STARD3: variants seen among roughly 807,000 people sequenced by gnomAD.
STARD3 encodes StAR related lipid transfer domain containing 3.
In STARD3, 39 loss-of-function variants were observed where a neutral mutation model predicts 62.0. The observed-to-expected ratio is 0.63, with a 90% CI of 0.49 to 0.82. The LOEUF (loss-of-function observed/expected upper bound fraction) is 0.82, where lower values mean the gene tolerates loss of function less well. STARD3 is among the 40% of genes least tolerant of loss of function. The probability of loss-of-function intolerance (pLI) is 0.00; values close to 1 mark genes in which losing one functional copy is unlikely to be tolerated. For synonymous variants in STARD3, 229 were observed against 242.4 expected (o/e 0.94, Z 0.51); for missense variants, 543 against 584.5 (o/e 0.93, Z 0.73).
chr17:39,663,001 G>A lies in STARD3; in HGVS notation c.*93G>A. On this transcript the variant is annotated 3_prime_UTR_variant, in exon 15 of 15. Transcript: ENST00000336308. The stretch of plus-strand genomic sequence containing the variant: ...AGTTGGGCTCGCACTGCCCACATGG[G>A]ACCTGGCCCCAGGCTGTCACCCTCC... 1 of 1,251,924 alleles carries A rather than the reference G, an allele frequency of 8.0e-7. No individual in the cohort carries two copies. Among genetic ancestry groups the A allele is most frequent in the South Asian group, 1.5e-5 (1 of 68,296 alleles). 77.6% of individuals were successfully genotyped at this position (1,251,924 alleles called of 1,614,324 possible). A position where few individuals can be genotyped will look rare whatever the true frequency, so the allele number is the denominator to read the frequency against.
rs191147792 is a variant in STARD3, at chr17:39,647,711, G to C, written c.-51-5770G>C. Among the ~76,000 whole-genome samples, 6 of 152,346 alleles carry C rather than the reference G, an allele frequency of 3.9e-5. No individual in the cohort carries two copies. In the East Asian group the frequency reaches 1.2e-3, roughly 29 times the overall value. On this transcript the variant is annotated intron_variant, in intron 1 of 14. Transcript: ENST00000336308. The stretch of plus-strand genomic sequence containing the variant: ...TAGCCAACGAGGCCTCACTCAGGGT[G>C]ATGCTGGAGTTTGAGGAAAGGCTGA...
At chr17:39,657,720 A>C in intron 3 of STARD3, 55 bp from the exon 4 acceptor site, 1 of 1,605,340 alleles carries the variant, frequency 6.2e-7, no homozygotes, top group Admixed American at 1.7e-5. Context: ...GTCAGCCTGC[A>C]GCAGGGTGGG....
Position 39,659,538 on chromosome 17 carries a change from G to GT in STARD3, c.783dup (p.Glu262Ter). 6.2e-7 allele frequency: 1 copy of GT among 1,614,152 alleles called. No homozygotes were observed. The highest frequency in any genetic ancestry group is 8.5e-7 in the Non-Finnish European group (1 of 1,179,998). On this transcript the variant is annotated frameshift_variant, in exon 9 of 15. Transcript: ENST00000336308. LOFTEE classifies it high-confidence loss of function. ...TCTTGGCCCAGGAAGAGAACTGGAA[G>GT]TTTGAGAAGAATAATGTAAGAAGCC...
chr17:39,644,615 T>G (rs1451247752), intron 1 of STARD3, among the ~76,000 whole-genome samples: 2 of 146,982 alleles, frequency 1.4e-5, no homozygotes, highest in African/African-American at 5.0e-5. Context: ...GCGGGGAGAT[T>G]GCTTGAGTCC....
chr17:39,648,836 G>A (rs1178027088), intron 1 of STARD3, among the ~76,000 whole-genome samples: 1 of 152,174 alleles, frequency 6.6e-6, no homozygotes, highest in African/African-American at 2.4e-5. Context: ...GGGACGTCTG[G>A]GCATGTGAGT....
Position 39,660,615 on chromosome 17 carries a change from C to T in STARD3, c.954+89C>T, listed in dbSNP as rs2057185934. ...ACTGAAGCACTCAGCGCCTCAGCTGCCCCATCTGTACAGTGGGTGTGATGG... is the reference window on the plus strand; with the variant it reads ...ACTGAAGCACTCAGCGCCTCAGCTGTCCCATCTGTACAGTGGGTGTGATGG... On this transcript the variant is annotated intron_variant, in intron 11 of 14. Transcript: ENST00000336308. This position sits in a 1 kb window ranked among gnomAD's most constrained non-coding sequence, Gnocchi z 4.8. The T allele has an allele frequency of 7.5e-6, 11 of 1,465,756 alleles. No homozygotes were observed. In the South Asian group the frequency reaches 1.2e-4, roughly 15 times the overall value. The allele number at this position is 1,465,756 out of a possible 1,614,324, so 90.8% of individuals were successfully genotyped here.
At chr17:39,659,819 G>C (rs1018248541) in intron 9 of STARD3, 2 of 496,000 alleles carry the variant, frequency 4.0e-6, no homozygotes, top group South Asian at 4.5e-5. Flanking sequence ...GGGAAGCCAG[G>C]CTTCTGCTCT....
intron 1 of STARD3, among the ~76,000 whole-genome samples, chr17:39,646,561 C>T (rs1284586581): frequency 6.6e-6 from 1 of 152,118 alleles, no homozygotes; most frequent in African/African-American, 2.4e-5. Flanking sequence ...CCTATTGTTG[C>T]CTGTTTTAAT....
At chr17:39,645,663 G>A (rs1032608813) in intron 1 of STARD3, among the ~76,000 whole-genome samples, 1 of 152,056 alleles carries the variant, frequency 6.6e-6, no homozygotes. Flanking sequence ...GTAGAGACGA[G>A]GTTTCAGCAT....
chr17:39,659,673 A>G, intron 9 of STARD3, 120 bp downstream of exon 9: 1 of 1,110,480 alleles, frequency 9.0e-7, no homozygotes, highest in Non-Finnish European at 1.3e-6. Context: ...CTGCCCCAAG[A>G]GAGGGAGCTG....
chr17:39,655,906 AG>A (rs947666613), intron 2 of STARD3, among the ~76,000 whole-genome samples: 3 of 151,362 alleles, frequency 2.0e-5, no homozygotes, highest in African/African-American at 7.3e-5. Context: ...GGAAAGAGGA[AG>A]GAGGACAGAG....
chr17:39,638,552 C>A (rs1158910467), intron 1 of STARD3, among the ~76,000 whole-genome samples: 2 of 152,194 alleles, frequency 1.3e-5, no homozygotes, highest in African/African-American at 4.8e-5. Flanking sequence ...GCTGGGCTAC[C>A]TTCTACATGT....
rs1271547464 is a variant in STARD3 at position 39,660,954 on chromosome 17, C to T, written c.1035-27C>T. 1.2e-6 allele frequency: 2 copies of T among 1,612,804 alleles called. No homozygotes were observed. Among genetic ancestry groups the T allele is most frequent in the South Asian group, 1.1e-5 (1 of 91,042 alleles). Reference sequence around the variant, plus strand: ...CTGCACTTTGGCCTTGGGTCATTGTCCCCTGAACTAACCCTCCCTCCCGCA... The same window carrying T: ...CTGCACTTTGGCCTTGGGTCATTGTTCCCTGAACTAACCCTCCCTCCCGCA... On this transcript the variant is annotated intron_variant, in intron 12 of 14. Coordinates refer to ENST00000336308, the MANE Select transcript of STARD3 (RefSeq NM_006804.4). This position sits in a 1 kb window ranked among gnomAD's most constrained non-coding sequence, Gnocchi z 4.8.
At position 39,659,097 on chromosome 17, in the gene STARD3, C is replaced by T; in HGVS notation, c.693C>T (p.Phe231=). 1 of 1,614,208 alleles carries T rather than the reference C, an allele frequency of 6.2e-7. No individual in the cohort carries two copies. The highest frequency in any genetic ancestry group is 8.5e-7 in the Non-Finnish European group (1 of 1,180,032). The change falls in exon 8 of 15, where the codon TTC becomes TTT. Residue 231 remains phenylalanine, a synonymous_variant. Transcript: ENST00000336308. ...AAGAAGTTGCTGGGAAGAAAAGTTT[C>T]TCTGCTCAGGTATTTGCCTGCCTAC... ...SDEEVAGKKS[F]SAQEREYIRQ...
intron 1 of STARD3, among the ~76,000 whole-genome samples, chr17:39,651,359 T>A (rs2057076089): frequency 6.6e-6 from 1 of 152,182 alleles, no homozygotes; most frequent in Admixed American, 6.5e-5. Context: ...ATAGTGAAAG[T>A]GTGGCAGGAC....
At chr17:39,645,432 C>G (rs767565994) in intron 1 of STARD3, among the ~76,000 whole-genome samples, 2 of 152,196 alleles carry the variant, frequency 1.3e-5, no homozygotes, top group African/African-American at 2.4e-5. Flanking sequence ...TATTTAACCT[C>G]CCTCGCTCAC....
intron 1 of STARD3, among the ~76,000 whole-genome samples, chr17:39,639,535 A>G (rs2056964722): frequency 1.3e-5 from 2 of 152,234 alleles, no homozygotes; most frequent in African/African-American, 4.8e-5. Context: ...GAGATCAGAA[A>G]GCTGGGTCCT....
intron 2 of STARD3, among the ~76,000 whole-genome samples, chr17:39,654,427 G>C (rs1300751736): frequency 6.6e-6 from 1 of 152,168 alleles, no homozygotes; most frequent in Non-Finnish European, 1.5e-5. Context: ...TAAAAGCAGA[G>C]GGCACAGTGG....
rs2057181432 is a variant in STARD3 at position 39,660,302 on chromosome 17, C to CACCT, written c.858+29_858+30insACCT. ...AGTGAGGGGAGCGGGTGTCCTGGAG[C>CACCT]CCCAGACAGCACAGGAGGCTCCAGG... On this transcript the variant is annotated intron_variant, in intron 10 of 14. Transcript: ENST00000336308. The surrounding 1 kb of genome is among the most constrained non-coding windows in gnomAD (Gnocchi z 4.8). 6.2e-7 allele frequency: 1 copy of CACCT among 1,613,570 alleles called. No homozygotes were observed.
Sources: gnomAD v4.1 joint callset for allele counts (sites outside exome capture counted in the v4.1 genomes callset) on GRCh38, gnomAD v4.1.1 for gene constraint, Gnocchi (gnomAD v3.1) non-coding constraint, MANE v1.5 for transcripts, NCBI Gene and HGNC (gene_info 2026-07-23, HGNC 2026-07-21) for gene names.